Variants in TRIT1 observed in about 807,000 individuals in gnomAD.
TRIT1 encodes the protein tRNA dimethylallyltransferase.
In TRIT1, 43 loss-of-function variants were observed where a neutral mutation model predicts 51.2. That is an observed-to-expected ratio of 0.84 (90% confidence interval 0.66 to 1.08). The LOEUF (loss-of-function observed/expected upper bound fraction) is 1.08. TRIT1 is among the 50% of genes least tolerant of loss of function. The probability of loss-of-function intolerance (pLI) is 0.00; values close to 1 mark genes in which losing one functional copy is unlikely to be tolerated. For synonymous variants in TRIT1, 184 were observed against 203.9 expected (o/e 0.90, Z 0.83); for missense variants, 528 against 578.4 (o/e 0.91, Z 0.89).
intron 2 of TRIT1, among the ~76,000 whole-genome samples, chr1:39,855,085 CA>C (rs1206331576): frequency 1.3e-5 from 2 of 152,216 alleles, no homozygotes; most frequent in African/African-American, 4.8e-5. Context: ...CTCCTGAGCT[CA>C]AGCAATCCAT....
At chr1:39,848,543 C>T (rs1250756914) in intron 5 of TRIT1, among the ~76,000 whole-genome samples, 3 of 150,990 alleles carry the variant, frequency 2.0e-5, no homozygotes, top group African/African-American at 2.4e-5. Flanking sequence ...ATCCTAGATA[C>T]GGCCGGGCAA....
At chr1:39,875,886 C>T (rs1017155117) in intron 1 of TRIT1, among the ~76,000 whole-genome samples, 4 of 152,160 alleles carry the variant, frequency 2.6e-5, no homozygotes, top group South Asian at 2.1e-4. Context: ...ACAGCACCCA[C>T]GGCAAAAGGC....
At chr1:39,882,372 T>C (rs552422368) in intron 1 of TRIT1, among the ~76,000 whole-genome samples, 1 of 152,242 alleles carries the variant, frequency 6.6e-6, no homozygotes, top group Non-Finnish European at 1.5e-5. Flanking sequence ...TCAGGTGCTA[T>C]GTTCAGTGCC....
Position 39,844,197 on chromosome 1 carries a change from G to C in TRIT1, c.1138C>G (p.Pro380Ala). The C allele has an allele frequency of 6.2e-7, 1 of 1,614,104 alleles. No homozygotes were observed. Among genetic ancestry groups the C allele is most frequent in the Non-Finnish European group, 8.5e-7 (1 of 1,179,986 alleles). The change falls in exon 10 of 11, where the codon CCA (proline) becomes GCA (alanine). Residue 380 changes from proline (P) to alanine (A), a missense_variant. This residue lies in a region of TRIT1 where 468 missense variants were observed against 522.6 expected (regional missense o/e 0.90). Coordinates refer to ENST00000316891, the MANE Select transcript of TRIT1 (RefSeq NM_017646.6). ...FIQGHKPTAT[P>A]IKMPYNEAEN... ...GCTTCATTGTATGGCATCTTTATTG[G>C]AGTGGCTGTAGGCTTGTGGCCCTAA...
At chr1:39,862,867 C>A (rs7533318) in intron 1 of TRIT1, 7 of 985,296 alleles carry the variant, frequency 7.1e-6, no homozygotes, top group Non-Finnish European at 8.4e-6. Context: ...CCAAAAGGAT[C>A]TGTGTTATCT....
chr1:39,871,214 G>C (rs914580770), intron 1 of TRIT1, among the ~76,000 whole-genome samples: 17 of 150,200 alleles, frequency 1.1e-4, no homozygotes, highest in Non-Finnish European at 2.2e-4. Context: ...AAGGTGACTA[G>C]ACAAACTATG....
chr1:39,843,858 T>C (rs1642064795), intron 10 of TRIT1, among the ~76,000 whole-genome samples: 1 of 152,190 alleles, frequency 6.6e-6, no homozygotes, highest in African/African-American at 2.4e-5. Flanking sequence ...ACTGCAGATC[T>C]CTTAGTATAA....
At chr1:39,874,258 T>C (rs558968249) in intron 1 of TRIT1, among the ~76,000 whole-genome samples, 10 of 152,274 alleles carry the variant, frequency 6.6e-5, no homozygotes, top group African/African-American at 2.4e-4. Context: ...AATTCTGTTA[T>C]GGGAAGTTGT....
At chr1:39,883,273 G>A in intron 1 of TRIT1, 45 bp downstream of exon 1, 3 of 1,568,376 alleles carry the variant, frequency 1.9e-6, no homozygotes, top group Non-Finnish European at 1.7e-6. Context: ...GTGTCCACGC[G>A]GCCTCCGGGG....
chr1:39,846,227 G>A (rs1642214365), intron 8 of TRIT1, among the ~76,000 whole-genome samples: 1 of 152,206 alleles, frequency 6.6e-6, no homozygotes, highest in South Asian at 2.1e-4. Context: ...GAGAAAGAAT[G>A]TTAGCAGTTT....
intron 1 of TRIT1, among the ~76,000 whole-genome samples, chr1:39,858,217 T>G (rs548294198): frequency 3.9e-5 from 6 of 152,320 alleles, no homozygotes; most frequent in African/African-American, 1.4e-4. Context: ...GAACAAATAA[T>G]AAGTTCCGTA....
At chr1:39,843,445 T>C (rs1642036542) in intron 10 of TRIT1, among the ~76,000 whole-genome samples, 1 of 152,216 alleles carries the variant, frequency 6.6e-6, no homozygotes, top group African/African-American at 2.4e-5. Flanking sequence ...TGTGACTCTG[T>C]GGCAGAGGCA....
intron 2 of TRIT1, among the ~76,000 whole-genome samples, chr1:39,856,487 GAAAAAAA>G (rs61518870): frequency 1.8e-5 from 2 of 108,714 alleles, no homozygotes; most frequent in Non-Finnish European, 3.7e-5. Context: ...GTCTCTAGGA[GAAAAAAA>G]AAAAAAAAAA....
intron 1 of TRIT1, among the ~76,000 whole-genome samples, chr1:39,868,334 T>C (rs938127529): frequency 6.6e-6 from 1 of 152,176 alleles, no homozygotes; most frequent in Non-Finnish European, 1.5e-5. Context: ...AAAGGATTTA[T>C]ACCCAGGATA....
chr1:39,848,156 A>T, intron 5 of TRIT1, 59 bp from the exon 6 acceptor site: 1 of 1,276,124 alleles, frequency 7.8e-7, no homozygotes, highest in Non-Finnish European at 1.1e-6. Context: ...CTATATACTT[A>T]CATGACGAGT....
intron 1 of TRIT1, among the ~76,000 whole-genome samples, chr1:39,876,534 ATC>A (rs201800489): frequency 0.13 from 18,564 of 145,716 alleles, 2,499 homozygotes; most frequent in African/African-American, 0.33. Flanking sequence ...ATGTGTATCT[ATC>A]TATCTATCTA....
At chr1:39,866,411 T>C (rs1643558584) in intron 1 of TRIT1, among the ~76,000 whole-genome samples, 1 of 152,184 alleles carries the variant, frequency 6.6e-6, no homozygotes, top group Non-Finnish European at 1.5e-5. Flanking sequence ...AAAGGAAAAA[T>C]TATTTTCTTA....
At chr1:39,850,008 C>T in intron 5 of TRIT1, 111 bp downstream of exon 5, 1 of 1,103,894 alleles carries the variant, frequency 9.1e-7, no homozygotes, top group Admixed American at 2.3e-5. Context: ...ATAGCTAATA[C>T]TTGTTTAGTG....
At position 39,865,089 on chromosome 1, in the gene TRIT1, C is replaced by G. The variant is rs1000312114; in HGVS notation, c.175-7672G>C. ...TGCCCTATGGATATCTTACTGAGAT[C>G]ATTAATGAACACTGACTGCCAAATA... On this transcript the variant is annotated intron_variant, in intron 1 of 10. Transcript: ENST00000316891. 2.0e-5 allele frequency among the ~76,000 whole-genome samples: 3 copies of G among 152,212 alleles called. No homozygotes were observed. The South Asian group carries it at 6.2e-4, about 32-fold the overall frequency.
Sources: allele counts gnomAD v4.1 joint callset (sites outside exome capture counted in the v4.1 genomes callset), GRCh38; gene constraint gnomAD v4.1.1; regional missense constraint gnomAD v4.1.1; transcripts MANE v1.5; gene names NCBI Gene and HGNC (gene_info 2026-07-23, HGNC 2026-07-21).